Variants in FILIP1L observed in about 807,000 individuals in gnomAD.
FILIP1L encodes filamin A-interacting protein 1-like.
A neutral mutation model predicts 96.6 loss-of-function variants in FILIP1L; 55 were observed. That is an observed-to-expected ratio of 0.57 (90% CI 0.46 to 0.71). The LOEUF (loss-of-function observed/expected upper bound fraction) is 0.71, where lower values mean the gene tolerates loss of function less well. Ranked by LOEUF, FILIP1L falls within the 30% of genes least tolerant of loss-of-function variation. The pLI, the probability that FILIP1L is intolerant of heterozygous loss-of-function variation, is 0.00. For missense variants in FILIP1L, 1,304 were observed against 1,321.2 expected, an observed-to-expected ratio of 0.99 and a Z score of 0.20; for synonymous variants, 467 against 473.9, an observed-to-expected ratio of 0.99 and a Z score of 0.19.
chr3:100,011,262 G>T (rs1473077908), intron 1 of FILIP1L, among the ~76,000 whole-genome samples: 2 of 152,082 alleles, frequency 1.3e-5, no homozygotes, highest in African/African-American at 4.8e-5. Context: ...TTTCCTCAGG[G>T]AAATGTTTCT....
At chr3:99,948,112 A>G (rs562472343) in intron 1 of FILIP1L, among the ~76,000 whole-genome samples, 1 of 152,346 alleles carries the variant, frequency 6.6e-6, no homozygotes, top group South Asian at 2.1e-4. Flanking sequence ...ATGCTGTCTT[A>G]TGTCCAAAAA....
intron 4 of FILIP1L, among the ~76,000 whole-genome samples, chr3:99,875,325 C>CAGTT (rs1431612946): frequency 6.6e-6 from 1 of 152,142 alleles, no homozygotes; most frequent in Non-Finnish European, 1.5e-5. Context: ...CTGATTAATA[C>CAGTT]AGTTACTCTA....
chr3:99,863,814 GTTTC>G (rs1371094202), intron 4 of FILIP1L, among the ~76,000 whole-genome samples: 2 of 152,178 alleles, frequency 1.3e-5, no homozygotes, highest in Non-Finnish European at 2.9e-5. Flanking sequence ...TACTTGTAGA[GTTTC>G]TTTATGAGTA....
chr3:100,028,648 A>T (rs2064969548), intron 1 of FILIP1L, among the ~76,000 whole-genome samples: 1 of 152,210 alleles, frequency 6.6e-6, no homozygotes, highest in Non-Finnish European at 1.5e-5. Context: ...ATAAGGCTAA[A>T]AGAGACAATA....
At chr3:99,915,802 A>G (rs917105442) in intron 4 of FILIP1L, among the ~76,000 whole-genome samples, 1 of 152,176 alleles carries the variant, frequency 6.6e-6, no homozygotes, top group South Asian at 2.1e-4. Context: ...TTAGCCTGCA[A>G]CTTTGCATTG....
chr3:99,950,628 T>C (rs376400672), intron 1 of FILIP1L, among the ~76,000 whole-genome samples: 21 of 152,204 alleles, frequency 1.4e-4, no homozygotes, highest in East Asian at 7.7e-4. Context: ...GCTGTATGAC[T>C]ATCCCCACTC....
At chr3:100,071,080 G>C (rs1438502354) in intron 1 of FILIP1L, among the ~76,000 whole-genome samples, 2 of 127,250 alleles carry the variant, frequency 1.6e-5, no homozygotes, top group Admixed American at 8.2e-5. Flanking sequence ...TTTAAGAGAA[G>C]CTACTCTCTC....
intron 1 of FILIP1L, among the ~76,000 whole-genome samples, chr3:99,992,756 T>G (rs77489882): frequency 0.012 from 1,829 of 152,144 alleles, 23 homozygotes; most frequent in African/African-American, 0.027. Context: ...ATGTCTACAG[T>G]AGTTTTTCTT....
chr3:99,899,342 A>C (rs1706362740), intron 4 of FILIP1L, among the ~76,000 whole-genome samples: 1 of 152,180 alleles, frequency 6.6e-6, no homozygotes, highest in South Asian at 2.1e-4. Flanking sequence ...ATTTCTTATT[A>C]TGATGCATTC....
At chr3:100,019,809 G>T (rs1038276656) in intron 1 of FILIP1L, among the ~76,000 whole-genome samples, 1 of 152,004 alleles carries the variant, frequency 6.6e-6, no homozygotes, top group African/African-American at 2.4e-5. Context: ...TCATCATATT[G>T]TCATCCAACT....
chr3:100,113,577 T>C (rs1467548658), intron 1 of FILIP1L, among the ~76,000 whole-genome samples: 2 of 152,230 alleles, frequency 1.3e-5, no homozygotes, highest in Non-Finnish European at 2.9e-5. Flanking sequence ...CTTCCATTAA[T>C]CTTTCCATGA....
At chr3:99,903,305 G>C (rs977822874) in intron 4 of FILIP1L, among the ~76,000 whole-genome samples, 2 of 151,714 alleles carry the variant, frequency 1.3e-5, no homozygotes, top group Non-Finnish European at 2.9e-5. Flanking sequence ...AGGCTGGAGT[G>C]CAGTGGCGTG....
At chr3:99,909,211 C>T (rs573055791) in intron 4 of FILIP1L, among the ~76,000 whole-genome samples, 1 of 152,252 alleles carries the variant, frequency 6.6e-6, no homozygotes, top group East Asian at 1.9e-4. Context: ...AAGTTCTGGC[C>T]TCTTCTCATA....
chr3:100,093,432 C>CA (rs966870383), intron 1 of FILIP1L, among the ~76,000 whole-genome samples: 9 of 152,082 alleles, frequency 5.9e-5, no homozygotes, highest in East Asian at 5.8e-4. Context: ...ATTTTTCTTA[C>CA]AAAAAATATA....
At position 99,832,910 on chromosome 3, in the gene FILIP1L, A is replaced by T. The variant is rs148771630; in HGVS notation, c.3382-2305T>A. 4.6e-3 allele frequency among the ~76,000 whole-genome samples: 688 copies of T among 150,580 alleles called. 2 individuals carry two copies. Among genetic ancestry groups the T allele is most frequent in the South Asian group, 6.6e-3 (31 of 4,726 alleles). The stretch of plus-strand genomic sequence containing the variant: ...CTTATCCTTGGACATGTTTCAGTAA[A>T]TGAGGTATGGAGCATTAAAATGTGT... On this transcript the variant is annotated intron_variant, in intron 5 of 5. Coordinates refer to ENST00000477258, the MANE Select transcript of FILIP1L (RefSeq NM_001387850.1).
At chr3:99,980,321 A>G (rs2107731465) in intron 1 of FILIP1L, among the ~76,000 whole-genome samples, 1 of 152,212 alleles carries the variant, frequency 6.6e-6, no homozygotes, top group Admixed American at 6.5e-5. Context: ...CAGTTTGCTC[A>G]CCCGTAATCT....
chr3:99,885,005 G>A (rs1373536703), intron 4 of FILIP1L, among the ~76,000 whole-genome samples: 1 of 152,170 alleles, frequency 6.6e-6, no homozygotes, highest in Non-Finnish European at 1.5e-5. Flanking sequence ...ATTGTGCTAC[G>A]ATACTGTTCT....
chr3:99,914,136 T>C (rs938076010), intron 4 of FILIP1L, among the ~76,000 whole-genome samples: 1 of 152,226 alleles, frequency 6.6e-6, no homozygotes, highest in Non-Finnish European at 1.5e-5. Context: ...TTCAGGACCA[T>C]GTAGGGCCAG....
chr3:99,864,240 C>A (rs79098076), intron 4 of FILIP1L, among the ~76,000 whole-genome samples: 6,367 of 152,048 alleles, frequency 0.042, 178 homozygotes, highest in Middle Eastern at 0.092. Context: ...AAAACTGAGG[C>A]CCAGGCAGAT....
Sources: allele counts gnomAD v4.1 joint callset (sites outside exome capture counted in the v4.1 genomes callset), GRCh38; gene constraint gnomAD v4.1.1; transcripts MANE v1.5; gene names NCBI Gene and HGNC (gene_info 2026-07-23, HGNC 2026-07-21).